Variants in PDE7B observed in about 807,000 individuals in gnomAD.
The protein encoded by PDE7B is 3',5'-cyclic-AMP phosphodiesterase 7B.
In PDE7B, 29 loss-of-function variants were observed where a neutral mutation model predicts 56.2. The observed-to-expected ratio is 0.52, with a 90% CI of 0.38 to 0.70. The LOEUF is 0.70. PDE7B is among the 30% of genes least tolerant of loss of function. The pLI is 0.00. For synonymous variants in PDE7B, 197 were observed against 196.9 expected, an observed-to-expected ratio of 1.00 and a Z score of 0.00; for missense variants, 490 against 565.0, an observed-to-expected ratio of 0.87 and a Z score of 1.35.
intron 1 of PDE7B, among the ~76,000 whole-genome samples, chr6:135,887,601 A>C (rs941796620): frequency 4.6e-5 from 7 of 152,130 alleles, no homozygotes; most frequent in African/African-American, 1.7e-4. Context: ...TCTGCTTTCA[A>C]AATTATTAAG....
At chr6:136,091,000 C>G (rs1432182340) in intron 2 of PDE7B, among the ~76,000 whole-genome samples, 1 of 152,224 alleles carries the variant, frequency 6.6e-6, no homozygotes, top group Non-Finnish European at 1.5e-5. Context: ...CAACAGGACA[C>G]AATTCACAAA....
intron 1 of PDE7B, among the ~76,000 whole-genome samples, chr6:135,895,179 T>C (rs945422445): frequency 6.6e-6 from 1 of 152,114 alleles, no homozygotes; most frequent in Non-Finnish European, 1.5e-5. Flanking sequence ...ACATTGCCCA[T>C]TGGCTTTTAG....
At chr6:135,899,867 C>T (rs184008015) in intron 1 of PDE7B, among the ~76,000 whole-genome samples, 12 of 152,106 alleles carry the variant, frequency 7.9e-5, no homozygotes, top group South Asian at 4.2e-4. Flanking sequence ...ATGCCATGGA[C>T]GGCAACTGTC....
At chr6:135,916,515 C>T (rs1773950769) in intron 1 of PDE7B, among the ~76,000 whole-genome samples, 1 of 151,102 alleles carries the variant, frequency 6.6e-6, no homozygotes, top group African/African-American at 2.4e-5. Context: ...GCCTCAGCCT[C>T]CCGAGTAGCT....
At chr6:136,048,927 A>T (rs991842928) in intron 2 of PDE7B, 2 of 152,222 alleles carry the variant, frequency 1.3e-5, no homozygotes, top group Non-Finnish European at 2.9e-5. Flanking sequence ...AGCCCTTGAC[A>T]CATGGTATCA....
At chr6:136,176,873 T>C (rs1031924887) in intron 9 of PDE7B, among the ~76,000 whole-genome samples, 8 of 152,172 alleles carry the variant, frequency 5.3e-5, no homozygotes, top group Non-Finnish European at 1.0e-4. Context: ...ATGGGAGAAA[T>C]AATATCACAT....
chr6:136,133,267 G>T (rs1227533498), intron 3 of PDE7B, among the ~76,000 whole-genome samples: 2 of 149,940 alleles, frequency 1.3e-5, no homozygotes, highest in African/African-American at 4.9e-5. Flanking sequence ...ACAAGAAGGG[G>T]CTGCCAAAAA....
chr6:136,053,776 T>C (rs1486881248), intron 2 of PDE7B, among the ~76,000 whole-genome samples: 2 of 152,124 alleles, frequency 1.3e-5, no homozygotes. Context: ...TGGTATCTCA[T>C]TGTGGTTTTG....
chr6:136,151,896 C>T (rs566908850), intron 6 of PDE7B, among the ~76,000 whole-genome samples: 66 of 152,018 alleles, frequency 4.3e-4, no homozygotes, highest in African/African-American at 1.2e-3. Context: ...GCCGAGATTG[C>T]GCCACTGCAC....
chr6:135,937,438 A>G (rs1027442468), intron 1 of PDE7B, among the ~76,000 whole-genome samples: 6 of 151,758 alleles, frequency 4.0e-5, no homozygotes, highest in African/African-American at 1.5e-4. Context: ...CCTTCTAGCC[A>G]TTCTTCATTT....
chr6:136,022,073 G>C (rs1776082965), intron 2 of PDE7B, among the ~76,000 whole-genome samples: 1 of 152,188 alleles, frequency 6.6e-6, no homozygotes, highest in South Asian at 2.1e-4. Flanking sequence ...CCCAAGGGTT[G>C]CTTTTTCTGC....
chr6:135,989,522 G>C (rs1251227416), intron 2 of PDE7B, among the ~76,000 whole-genome samples: 3 of 152,108 alleles, frequency 2.0e-5, no homozygotes, highest in Non-Finnish European at 4.4e-5. Flanking sequence ...GCTGAGGCAG[G>C]AGAATAGCTT....
In PDE7B at chr6:136,192,065, G is replaced by A; in HGVS notation, c.*225G>A. On this transcript the variant is annotated 3_prime_UTR_variant, in exon 13 of 13. Coordinates refer to ENST00000308191, the MANE Select transcript of PDE7B (RefSeq NM_018945.4). The stretch of plus-strand genomic sequence containing the variant: ...CTGCCGAAATGAGCAACTCCATTCA[G>A]TAACGTGGGAGCTGATCCCACGGGC... The A allele has an allele frequency of 1.8e-6, 1 of 559,992 alleles. No individual in the cohort carries two copies. The highest frequency in any genetic ancestry group is 2.0e-5 in the South Asian group (1 of 49,292). The allele number at this position is 559,992 out of a possible 1,614,324, so 34.7% of individuals were successfully genotyped here. A position where few individuals can be genotyped will look rare whatever the true frequency, so the allele number is the denominator to read the frequency against.
At chr6:135,954,533 G>T (rs1774754913) in intron 2 of PDE7B, among the ~76,000 whole-genome samples, 1 of 152,128 alleles carries the variant, frequency 6.6e-6, no homozygotes, top group African/African-American at 2.4e-5. Flanking sequence ...TATCCTAAGA[G>T]GAAGATTAAC....
intron 5 of PDE7B, among the ~76,000 whole-genome samples, chr6:136,150,855 A>ATGTGTGTCTGTGTG (rs138502265): frequency 1.3e-5 from 2 of 150,518 alleles, no homozygotes; most frequent in African/African-American, 2.4e-5. Flanking sequence ...ACATATACAC[A>ATGTGTGTCTGTGTG]TGTGTGTGTG....
At chr6:135,967,592 G>C (rs1409337157) in intron 2 of PDE7B, among the ~76,000 whole-genome samples, 1 of 152,138 alleles carries the variant, frequency 6.6e-6, no homozygotes, top group African/African-American at 2.4e-5. Context: ...CTGCTCTCAG[G>C]CACCAAAAGC....
chr6:136,145,493 C>A (rs1222141243), intron 3 of PDE7B, among the ~76,000 whole-genome samples: 1 of 152,062 alleles, frequency 6.6e-6, no homozygotes, highest in Admixed American at 6.6e-5. Context: ...ATTTAAAAAC[C>A]AGAATCTGGG....
chr6:135,945,751 G>A (rs1028260706), intron 1 of PDE7B, among the ~76,000 whole-genome samples: 4 of 152,044 alleles, frequency 2.6e-5, no homozygotes, highest in Non-Finnish European at 5.9e-5. Flanking sequence ...GCTCATCTTC[G>A]GTCTCCTTAA....
At chr6:135,942,164 T>A (rs1774516570) in intron 1 of PDE7B, among the ~76,000 whole-genome samples, 1 of 152,128 alleles carries the variant, frequency 6.6e-6, no homozygotes, top group African/African-American at 2.4e-5. Flanking sequence ...TACTTAAGGG[T>A]GATTTTAAAA....
Sources: allele counts gnomAD v4.1 joint callset (sites outside exome capture counted in the v4.1 genomes callset), GRCh38; gene constraint gnomAD v4.1.1; transcripts MANE v1.5; gene names NCBI Gene and HGNC (gene_info 2026-07-23, HGNC 2026-07-21).